TBC1D8: variants seen among roughly 807,000 people sequenced by gnomAD.
TBC1D8 encodes BUB2-like protein 1.
Under a neutral mutation model 118.8 loss-of-function variants are expected in TBC1D8, and 65 were observed. The observed-to-expected ratio is 0.55, with a 90% confidence interval of 0.45 to 0.67. TBC1D8 has a LOEUF of 0.67. TBC1D8 is among the 30% of genes least tolerant of loss of function. The pLI is 0.00. For missense variants in TBC1D8, 1,376 were observed against 1,471.2 expected, an observed-to-expected ratio of 0.94 and a Z score of 1.06; for synonymous variants, 566 against 595.8, an observed-to-expected ratio of 0.95 and a Z score of 0.73.
At position 101,059,123 on chromosome 2, in the gene TBC1D8, G is replaced by C. The variant is rs139224819; in HGVS notation, c.402+298C>G. 1.7e-3 allele frequency among the ~76,000 whole-genome samples: 260 copies of C among 151,768 alleles called. 3 individuals carry two copies. Among genetic ancestry groups the C allele is most frequent in the East Asian group, 4.1e-3 (21 of 5,150 alleles). ...GGGGTTTTACCGTGTTAGCCAGGAT[G>C]GTCTCGACCTCCTGACCTCGTGATC... On this transcript the variant is annotated intron_variant, in intron 3 of 19. Transcript: ENST00000409318.
intron 7 of TBC1D8, 41 bp from the exon 8 acceptor site, chr2:101,037,749 G>T (rs993963300): frequency 6.2e-7 from 1 of 1,605,620 alleles, no homozygotes; most frequent in South Asian, 1.1e-5. Context: ...AGAGAGGAGA[G>T]GAGAAAATCA....
Position 101,064,825 on chromosome 2 carries a change from A to G in TBC1D8, c.284-5286T>C, listed in dbSNP as rs192238094. Reference sequence around the variant, plus strand: ...ACATGTGTCAGGAATTTTGTTCCATATACCATACACATAATATTACTTATC... The same window carrying G: ...ACATGTGTCAGGAATTTTGTTCCATGTACCATACACATAATATTACTTATC... On this transcript the variant is annotated intron_variant, in intron 2 of 19. Coordinates refer to ENST00000409318, the MANE Select transcript of TBC1D8 (RefSeq NM_001330348.2). Among the ~76,000 whole-genome samples the G allele has an allele frequency of 6.9e-4, 105 of 152,326 alleles. 1 individual carries two copies. The highest frequency in any genetic ancestry group is 2.4e-3 in the African/African-American group (99 of 41,564).
At position 101,151,127 on chromosome 2, in the gene TBC1D8, C is replaced by G; in HGVS notation, c.127G>C (p.Gly43Arg). The G allele has an allele frequency of 4.4e-6, 5 of 1,137,660 alleles. No homozygotes were observed. Among genetic ancestry groups the G allele is most frequent in the Non-Finnish European group, 5.5e-6 (5 of 908,594 alleles). The allele number at this position is 1,137,660 out of a possible 1,614,324, so 70.5% of individuals were successfully genotyped here. The change falls in exon 1 of 20, where the codon GGT becomes CGT. Residue 43 changes from glycine (G) to arginine (R), a missense_variant and splice_region_variant. Gly to Arg is a moderately radical substitution (Grantham distance 125, BLOSUM62 -2). Coordinates refer to ENST00000409318, the MANE Select transcript of TBC1D8 (RefSeq NM_001330348.2). Reference sequence around the variant, plus strand: ...GCGCCCGCCCCGGCGAGCCCCTTACCGGTGAGGCGGCCGCCCCCCTCGCCG... The same window carrying G: ...GCGCCCGCCCCGGCGAGCCCCTTACGGGTGAGGCGGCCGCCCCCCTCGCCG... ...GHGEGGGRLTGRLVGALDAVL... is the reference protein window; with the variant it reads ...GHGEGGGRLTRRLVGALDAVL...
At chr2:101,139,992 T>C (rs1679032297) in intron 1 of TBC1D8, among the ~76,000 whole-genome samples, 1 of 152,240 alleles carries the variant, frequency 6.6e-6, no homozygotes, top group Non-Finnish European at 1.5e-5. Flanking sequence ...AAATGCTCTT[T>C]GGGTTTCTTT....
intron 5 of TBC1D8, among the ~76,000 whole-genome samples, chr2:101,049,294 T>A (rs1254406698): frequency 6.6e-6 from 1 of 152,222 alleles, no homozygotes; most frequent in African/African-American, 2.4e-5. Flanking sequence ...TCTCTAGGAT[T>A]AGTATCAATT....
At chr2:101,124,082 C>T (rs886810313) in intron 1 of TBC1D8, among the ~76,000 whole-genome samples, 2 of 152,176 alleles carry the variant, frequency 1.3e-5, no homozygotes, top group Non-Finnish European at 2.9e-5. Context: ...CAGCAAGAGG[C>T]TCCTGGAGTA....
chr2:101,091,285 CA>C (rs1315318642), intron 1 of TBC1D8, among the ~76,000 whole-genome samples: 1 of 151,644 alleles, frequency 6.6e-6, no homozygotes, highest in South Asian at 2.1e-4. Context: ...AACTCCATCT[CA>C]AAAAAAGAAA....
At chr2:101,061,800 G>C (rs1682768526) in intron 2 of TBC1D8, among the ~76,000 whole-genome samples, 1 of 152,182 alleles carries the variant, frequency 6.6e-6, no homozygotes, top group South Asian at 2.1e-4. Flanking sequence ...ATCTGGGAGG[G>C]CTCCTGCGGT....
chr2:101,017,877 T>C (rs1416937862), intron 17 of TBC1D8: 1 of 1,550,770 alleles, frequency 6.4e-7, no homozygotes, highest in African/African-American at 1.4e-5. Context: ...AACGATGATC[T>C]CTTCAAAACA....
chr2:101,126,983 G>T (rs1381258699), intron 1 of TBC1D8, among the ~76,000 whole-genome samples: 9 of 152,188 alleles, frequency 5.9e-5, no homozygotes, highest in Non-Finnish European at 1.0e-4. Context: ...AGGGCTTGGG[G>T]GTTGACTCCT....
chr2:101,103,851 G>A (rs1677032189), intron 1 of TBC1D8, among the ~76,000 whole-genome samples: 1 of 151,804 alleles, frequency 6.6e-6, no homozygotes, highest in Admixed American at 6.6e-5. Flanking sequence ...AATGCAGTAA[G>A]ATAAAAAGTG....
chr2:101,031,762 C>T lies in TBC1D8; in HGVS notation c.1936+506G>A, dbSNP rs561733599. Among the ~76,000 whole-genome samples the T allele has an allele frequency of 5.0e-4, 76 of 152,232 alleles. 1 individual carries two copies. The East Asian group carries it at 0.014, about 28-fold the overall frequency. On this transcript the variant is annotated intron_variant, in intron 11 of 19. Coordinates refer to ENST00000409318, the MANE Select transcript of TBC1D8 (RefSeq NM_001330348.2). ...AAGTGGAGGACTTTTCCAAGTCTGC[C>T]CTTTAACTGACCACATGGGCCTTGA...
intron 1 of TBC1D8, among the ~76,000 whole-genome samples, chr2:101,147,505 T>G (rs1323196190): frequency 6.6e-6 from 1 of 152,212 alleles, no homozygotes; most frequent in African/African-American, 2.4e-5. Context: ...ATAGCCATTC[T>G]AAGAAAAACA....
intron 11 of TBC1D8, chr2:101,029,982 G>A: frequency 9.8e-6 from 5 of 509,926 alleles, no homozygotes; most frequent in Non-Finnish European, 1.7e-5. Flanking sequence ...AATACTGCTT[G>A]ATCAGCTGGA....
At chr2:101,021,921 A>C (rs1449751650) in intron 16 of TBC1D8, among the ~76,000 whole-genome samples, 175 bp from the exon 17 acceptor site, 1 of 152,182 alleles carries the variant, frequency 6.6e-6, no homozygotes. Context: ...GCTGGTGACT[A>C]TGTGAGCTCC....
intron 3 of TBC1D8, among the ~76,000 whole-genome samples, chr2:101,057,129 G>A (rs1055170088): frequency 5.9e-5 from 9 of 152,168 alleles, no homozygotes; most frequent in Non-Finnish European, 1.3e-4. Flanking sequence ...GAAGAAAACT[G>A]AGAAACCACA....
intron 1 of TBC1D8, among the ~76,000 whole-genome samples, chr2:101,124,048 G>A (rs773027973): frequency 1.3e-5 from 2 of 152,154 alleles, no homozygotes; most frequent in African/African-American, 4.8e-5. Context: ...TCATTACTTC[G>A]ATAGACAGCT....
rs1397502221 is a variant in TBC1D8, at chr2:101,050,718, C to T, written c.632-77G>A. 2.4e-5 allele frequency: 38 copies of T among 1,554,340 alleles called. No individual in the cohort carries two copies. In the Middle Eastern group the frequency reaches 8.6e-4, roughly 35 times the overall value. The stretch of plus-strand genomic sequence containing the variant: ...CTTGAGTGTGTCAGCAAGCAACTAT[C>T]CAAAGCTCTCCTTAGGCCGATGTGT... On this transcript the variant is annotated intron_variant, in intron 4 of 19. Coordinates refer to ENST00000409318, the MANE Select transcript of TBC1D8 (RefSeq NM_001330348.2).
At chr2:101,052,276 T>C (rs1488062242) in intron 4 of TBC1D8, among the ~76,000 whole-genome samples, 2 of 152,144 alleles carry the variant, frequency 1.3e-5, no homozygotes, top group African/African-American at 4.8e-5. Flanking sequence ...AAAAGTAACA[T>C]AGTACAAACA....
Sources: gnomAD v4.1 joint callset for allele counts (sites outside exome capture counted in the v4.1 genomes callset) on GRCh38, gnomAD v4.1.1 for gene constraint, MANE v1.5 for transcripts, NCBI Gene and HGNC (gene_info 2026-07-23, HGNC 2026-07-21) for gene names.